The following PLEKHG4B variants were observed in gnomAD, a reference collection of about 807,000 sequenced individuals.
PLEKHG4B encodes the protein pleckstrin homology domain-containing family G member 4B.
Under a neutral mutation model 121.3 loss-of-function variants are expected in PLEKHG4B, and 111 were observed. The observed-to-expected ratio is 0.92, with a 90% confidence interval of 0.78 to 1.07. The LOEUF (loss-of-function observed/expected upper bound fraction) is 1.07, where lower values mean the gene tolerates loss of function less well. Among genes scored for constraint, PLEKHG4B ranks in the 50% least tolerant of loss-of-function variants. PLEKHG4B has a pLI of 0.00. For synonymous variants in PLEKHG4B, 738 were observed against 725.0 expected (o/e 1.02, Z -0.29); for missense variants, 1,831 against 1,757.8 (o/e 1.04, Z -0.74).
intron 1 of PLEKHG4B, among the ~76,000 whole-genome samples, chr5:95,490 G>A (rs547520834): frequency 4.0e-4 from 61 of 152,298 alleles, no homozygotes; most frequent in African/African-American, 1.4e-3. Context: ...TCTCTTGCCA[G>A]ATCTCGTTTA....
intron 2 of PLEKHG4B, among the ~76,000 whole-genome samples, chr5:134,596 T>C (rs1355736668): frequency 6.6e-6 from 1 of 151,594 alleles, no homozygotes; most frequent in Non-Finnish European, 1.5e-5. Flanking sequence ...TGAAACCTTC[T>C]CTCTACTAAA....
chr5:129,602 C>T (rs1213598153), intron 2 of PLEKHG4B, among the ~76,000 whole-genome samples: 1 of 152,216 alleles, frequency 6.6e-6, no homozygotes, highest in African/African-American at 2.4e-5. Context: ...TGGTCACTTA[C>T]ATTTTGCTCA....
intron 1 of PLEKHG4B, among the ~76,000 whole-genome samples, chr5:108,922 C>T (rs537075176): frequency 1.3e-5 from 2 of 152,330 alleles, no homozygotes; most frequent in South Asian, 4.1e-4. Flanking sequence ...GGCCAGACGC[C>T]AGGAGCCATC....
chr5:170,660 G>C (rs1372145434), intron 14 of PLEKHG4B, among the ~76,000 whole-genome samples: 1 of 152,172 alleles, frequency 6.6e-6, no homozygotes, highest in Non-Finnish European at 1.5e-5. Flanking sequence ...GACCGTGATT[G>C]TGGCAATTTT....
Position 181,633 on chromosome 5 carries a change from G to A in PLEKHG4B, c.4522G>A (p.Val1508Met), listed in dbSNP as rs1180602303. Residue 1508 changes from valine (V) to methionine (M), a missense_variant, in exon 19 of 20, where the codon GTG (valine) becomes ATG (methionine). Coordinates refer to ENST00000637938, the MANE Select transcript of PLEKHG4B (RefSeq NM_052909.5). ...VISDRAPKCA[V>M]MSDRVPDSIV... ...AAGCGACCGGGCTCCCAAATGTGCA[G>A]TGATGAGCGACCGAGTCCCCGACAG... 1.9e-6 allele frequency: 3 copies of A among 1,613,884 alleles called. No individual in the cohort carries two copies. Among genetic ancestry groups the A allele is most frequent in the South Asian group, 2.2e-5 (2 of 91,068 alleles).
intron 13 of PLEKHG4B, among the ~76,000 whole-genome samples, chr5:164,031 A>C (rs1013425439): frequency 1.3e-5 from 2 of 152,232 alleles, no homozygotes; most frequent in Non-Finnish European, 2.9e-5. Flanking sequence ...GGGTGGGCGC[A>C]CTCGGCCCCT....
Position 182,463 on chromosome 5 carries a change from G to T in PLEKHG4B, c.*140G>T. 1 of 788,816 alleles carries T rather than the reference G, an allele frequency of 1.3e-6. No individual in the cohort carries two copies. The highest frequency in any genetic ancestry group is 2.7e-5 in the East Asian group (1 of 36,890). 48.9% of individuals were successfully genotyped at this position (788,816 alleles called of 1,614,324 possible). ...GAGGGAATAGCACAGCAGGTGTCCAGGTATTTCCCAGGATTTTAGACATTC... is the reference window on the plus strand; with the variant it reads ...GAGGGAATAGCACAGCAGGTGTCCATGTATTTCCCAGGATTTTAGACATTC... On this transcript the variant is annotated 3_prime_UTR_variant, in exon 20 of 20. Coordinates refer to ENST00000637938, the MANE Select transcript of PLEKHG4B (RefSeq NM_052909.5).
In PLEKHG4B at chr5:139,614, G is replaced by A. The variant is rs949145654; in HGVS notation, c.375G>A (p.Ser125=). The A allele has an allele frequency of 1.5e-5, 6 of 398,802 alleles. No individual in the cohort carries two copies. The highest frequency in any genetic ancestry group is 4.1e-5 in the African/African-American group (2 of 48,628). The allele number at this position is 398,802 out of a possible 1,614,324, so 24.7% of individuals were successfully genotyped here. A position where few individuals can be genotyped will look rare whatever the true frequency, so the allele number is the denominator to read the frequency against. Residue 125 remains serine, a synonymous_variant, in exon 3 of 20, where the codon TCG becomes TCA. Transcript: ENST00000637938. This position sits in a 1 kb window ranked among gnomAD's most constrained non-coding sequence, Gnocchi z 5.0. ...QPGDFYLQVT[S]AGKQSARLVL... is the part of the protein sequence containing the mutation. ...GGGACTTCTACCTGCAGGTCACGTC[G>A]GCGGGGAAGCAGTCAGCTAGACTGG...
intron 2 of PLEKHG4B, among the ~76,000 whole-genome samples, chr5:117,576 G>A (rs1027395765): frequency 1.1e-4 from 16 of 152,182 alleles, no homozygotes; most frequent in African/African-American, 3.6e-4. Flanking sequence ...AAAAGGGCCC[G>A]GTGCGGTGGC....
chr5:109,929 A>C (rs1406870079), intron 1 of PLEKHG4B, among the ~76,000 whole-genome samples: 6 of 152,092 alleles, frequency 3.9e-5, no homozygotes, highest in Non-Finnish European at 8.8e-5. Context: ...ACAATCAGCA[A>C]CACACGTGCA....
At chr5:162,274 C>T (rs762174722) in intron 12 of PLEKHG4B, among the ~76,000 whole-genome samples, 250 of 70,910 alleles carry the variant, frequency 3.5e-3, no homozygotes, top group Non-Finnish European at 2.6e-3. Context: ...AGCTCCCACG[C>T]GCCCCAGACC....
intron 11 of PLEKHG4B, among the ~76,000 whole-genome samples, chr5:158,828 T>G (rs888380499): frequency 6.6e-6 from 1 of 152,222 alleles, no homozygotes; most frequent in African/African-American, 2.4e-5. Flanking sequence ...CATCCTGTGG[T>G]CTCCTATTTC....
rs1438075440 is a variant in PLEKHG4B at position 173,001 on chromosome 5, C to T, written c.4155C>T (p.Ile1385=). The stretch of plus-strand genomic sequence containing the variant: ...ATGTGTTCCTCTTTGAAGACCTCAT[C>T]CTGTTTAGCAAGACCCAGAAGGTGG... ...LRHVFLFEDL[I]LFSKTQKVEG... The change falls in exon 17 of 20, where the codon ATC becomes ATT. Residue 1385 remains isoleucine (I), a synonymous_variant. Transcript: ENST00000637938. 1.5e-5 allele frequency: 24 copies of T among 1,614,118 alleles called. No individual in the cohort carries two copies. Among genetic ancestry groups the T allele is most frequent in the Non-Finnish European group, 1.9e-5 (22 of 1,180,026 alleles).
chr5:173,007 T>G lies in PLEKHG4B; in HGVS notation c.4161T>G (p.Phe1387Leu). The change falls in exon 17 of 20, where the codon TTT becomes TTG. Residue 1387 changes from phenylalanine to leucine, a missense_variant. By Grantham distance (22) the Phe-to-Leu change is conservative. Coordinates refer to ENST00000637938, the MANE Select transcript of PLEKHG4B (RefSeq NM_052909.5). ...HVFLFEDLIL[F>L]SKTQKVEGSH... is the part of the protein sequence containing the mutation. ...TCCTCTTTGAAGACCTCATCCTGTTTAGCAAGACCCAGAAGGTGGAGGGCA... is the reference window on the plus strand; with the variant it reads ...TCCTCTTTGAAGACCTCATCCTGTTGAGCAAGACCCAGAAGGTGGAGGGCA... The G allele has an allele frequency of 1.9e-6, 3 of 1,614,118 alleles. No homozygotes were observed. The South Asian group carries it at 3.3e-5, about 18-fold the overall frequency.
intron 1 of PLEKHG4B, among the ~76,000 whole-genome samples, chr5:112,726 G>A (rs1734192498): frequency 6.6e-6 from 1 of 152,188 alleles, no homozygotes; most frequent in South Asian, 2.1e-4. Context: ...CAATTAAAAT[G>A]TATTTGCTGT....
chr5:181,922 A>G, intron 19 of PLEKHG4B, 82 bp from the exon 20 acceptor site: 1 of 1,483,532 alleles, frequency 6.7e-7, no homozygotes, highest in Non-Finnish European at 9.3e-7. Flanking sequence ...TCGGCCTTTC[A>G]GACGGCTCTG....
chr5:115,025 G>A lies in PLEKHG4B; in HGVS notation c.243+1577G>A, dbSNP rs374669461. On this transcript the variant is annotated intron_variant, in intron 2 of 19. Coordinates refer to ENST00000637938, the MANE Select transcript of PLEKHG4B (RefSeq NM_052909.5). ...TCCAGAATGGTGAATCCTTTCCAGAGGTTTACAATGTGCTTTGCTGAGATC... is the reference window on the plus strand; with the variant it reads ...TCCAGAATGGTGAATCCTTTCCAGAAGTTTACAATGTGCTTTGCTGAGATC... 9.6e-4 allele frequency among the ~76,000 whole-genome samples: 146 copies of A among 152,300 alleles called. 3 individuals carry two copies. In the South Asian group the frequency reaches 0.028, roughly 29 times the overall value.
Position 143,240 on chromosome 5 carries a change from GGTC to G in PLEKHG4B, c.1675_1677del (p.Val559del). ...TCAGTCAGGAGCTGCTGCAGTCCGG[GGTC>G]GTCACCCTCCCAGGTGAGAGCACAT... On this transcript the variant is annotated inframe_deletion, in exon 4 of 20. Transcript: ENST00000637938. 6.2e-7 allele frequency: 1 copy of G among 1,610,280 alleles called. No homozygotes were observed. The highest frequency in any genetic ancestry group is 8.5e-7 in the Non-Finnish European group (1 of 1,179,980).
At chr5:154,375 G>A (rs960645367) in intron 7 of PLEKHG4B, among the ~76,000 whole-genome samples, 2 of 152,074 alleles carry the variant, frequency 1.3e-5, no homozygotes, top group African/African-American at 4.8e-5. Context: ...GTTTTCTGTT[G>A]GAGCTCAGCC....
Sources: gnomAD v4.1 joint callset for allele counts (sites outside exome capture counted in the v4.1 genomes callset) on GRCh38, gnomAD v4.1.1 for gene constraint, Gnocchi (gnomAD v3.1) non-coding constraint, MANE v1.5 for transcripts, NCBI Gene and HGNC (gene_info 2026-07-23, HGNC 2026-07-21) for gene names.